Variants in OPHN1 observed in about 807,000 individuals in gnomAD.
OPHN1 encodes oligophrenin-1.
A neutral mutation model predicts 60.7 loss-of-function variants in OPHN1; 11 were observed. The ratio of observed to expected loss-of-function variants is 0.18; its 90% confidence interval spans 0.11 to 0.30. OPHN1 has a LOEUF of 0.30. Ranked by LOEUF, OPHN1 falls within the 10% of genes least tolerant of loss-of-function variation. The pLI, the probability that OPHN1 is intolerant of heterozygous loss-of-function variation, is 1.00. For synonymous variants in OPHN1, 226 were observed against 222.6 expected, an observed-to-expected ratio of 1.02 and a Z score of -0.14; for missense variants, 449 against 611.0, an observed-to-expected ratio of 0.73 and a Z score of 2.80.
At chrX:68,424,657 A>G (rs1366722932) in intron 2 of OPHN1, among the ~76,000 whole-genome samples, 1 of 112,099 alleles carries the variant, frequency 8.9e-6, no homozygotes, top group Non-Finnish European at 1.9e-5. Context: ...TGAAAGGTAA[A>G]GTTCCTTCAT....
At chrX:68,214,287 C>T (rs1419513071) in intron 6 of OPHN1, among the ~76,000 whole-genome samples, 2 of 112,135 alleles carry the variant, frequency 1.8e-5, no homozygotes, top group African/African-American at 6.5e-5. Context: ...GGAAAATCTG[C>T]TCCCTCAAAC....
At chrX:68,312,503 G>A (rs188972120) in intron 2 of OPHN1, among the ~76,000 whole-genome samples, 7 of 110,462 alleles carry the variant, frequency 6.3e-5, no homozygotes, top group Middle Eastern at 4.6e-3. Context: ...TTTTCAAGAC[G>A]TATGGCATGC....
chrX:68,148,810 G>C (rs1469741400), intron 15 of OPHN1, among the ~76,000 whole-genome samples: 1 of 110,904 alleles, frequency 9.0e-6, no homozygotes, highest in Non-Finnish European at 1.9e-5. Context: ...CAAGCATAAT[G>C]CCTTGGGCCC....
chrX:68,365,522 T>C (rs772142218), intron 2 of OPHN1, among the ~76,000 whole-genome samples: 6 of 111,476 alleles, frequency 5.4e-5, no homozygotes, highest in Non-Finnish European at 1.1e-4. Flanking sequence ...ACAGCTGTGC[T>C]CTCCTCCTCA....
intron 2 of OPHN1, among the ~76,000 whole-genome samples, chrX:68,392,999 C>T (rs765973173): frequency 8.9e-6 from 1 of 112,022 alleles, no homozygotes; most frequent in South Asian, 3.8e-4. Context: ...GGCCCTCTGC[C>T]CTTGCAGAAA....
intron 15 of OPHN1, among the ~76,000 whole-genome samples, chrX:68,125,930 A>AATAT (rs59058075): frequency 0.28 from 6,190 of 22,239 alleles, 909 homozygotes; most frequent in East Asian, 0.67. Context: ...ACCACTGATC[A>AATAT]ATATATATAT....
At chrX:68,049,873 T>C (rs145941565) in intron 23 of OPHN1, among the ~76,000 whole-genome samples, 127 of 112,054 alleles carry the variant, frequency 1.1e-3, no homozygotes, top group Admixed American at 2.4e-3. Context: ...CTCTTTGAAA[T>C]GTTCTCACCT....
At chrX:68,301,878 A>G (rs924033321) in intron 2 of OPHN1, among the ~76,000 whole-genome samples, 1 of 112,236 alleles carries the variant, frequency 8.9e-6, no homozygotes, top group African/African-American at 3.2e-5. Context: ...AGGCACTTTG[A>G]ACTTTAAGGG....
At chrX:68,134,632 G>C (rs1294189988) in intron 15 of OPHN1, among the ~76,000 whole-genome samples, 1 of 111,404 alleles carries the variant, frequency 9.0e-6, no homozygotes, top group Admixed American at 9.5e-5. Context: ...AAGGATCATG[G>C]TTTGCTTGGG....
At chrX:68,120,902 C>A (rs1224514477) in intron 15 of OPHN1, among the ~76,000 whole-genome samples, 2 of 111,958 alleles carry the variant, frequency 1.8e-5, no homozygotes, top group African/African-American at 6.5e-5. Context: ...GGAAAGGATA[C>A]TCTATTCAGT....
chrX:68,124,374 A>T (rs1199384780), intron 15 of OPHN1, among the ~76,000 whole-genome samples: 1 of 111,344 alleles, frequency 9.0e-6, no homozygotes, highest in Non-Finnish European at 1.9e-5. Flanking sequence ...TAAATATAAT[A>T]CACCCAATGC....
chrX:68,404,949 G>C (rs993782092), intron 2 of OPHN1, among the ~76,000 whole-genome samples: 1 of 111,552 alleles, frequency 9.0e-6, no homozygotes, highest in South Asian at 3.8e-4. Flanking sequence ...AGTGGGTATA[G>C]AGGTTCATTG....
intron 2 of OPHN1, among the ~76,000 whole-genome samples, chrX:68,379,098 T>C (rs1188493645): frequency 3.6e-5 from 4 of 111,151 alleles, no homozygotes; most frequent in Admixed American, 1.9e-4. Flanking sequence ...TTGTATCCTC[T>C]TTGATTTCAT....
chrX:68,114,631 G>A (rs2077119671), intron 16 of OPHN1, among the ~76,000 whole-genome samples: 1 of 110,211 alleles, frequency 9.1e-6, no homozygotes, highest in African/African-American at 3.3e-5. Flanking sequence ...TGGGCATGGT[G>A]GTGCGTGCCT....
chrX:68,116,147 T>C (rs2077126359), intron 16 of OPHN1, among the ~76,000 whole-genome samples: 1 of 111,307 alleles, frequency 9.0e-6, no homozygotes, highest in Non-Finnish European at 1.9e-5. Flanking sequence ...TACCAGACTT[T>C]AGAGAGAGTA....
intron 15 of OPHN1, among the ~76,000 whole-genome samples, chrX:68,131,901 T>C (rs981096112): frequency 2.7e-5 from 3 of 112,618 alleles, no homozygotes; most frequent in Non-Finnish European, 5.6e-5. Flanking sequence ...AATACTACGA[T>C]AAAGCTAGAA....
At chrX:68,112,634 A>C (rs1175232128) in intron 17 of OPHN1, among the ~76,000 whole-genome samples, 1 of 112,639 alleles carries the variant, frequency 8.9e-6, no homozygotes, top group Non-Finnish European at 1.9e-5. Flanking sequence ...CAGTGGCCTC[A>C]GCCAAAACTT....
At chrX:68,296,038 C>T (rs1485724514) in intron 3 of OPHN1, among the ~76,000 whole-genome samples, 1 of 111,270 alleles carries the variant, frequency 9.0e-6, no homozygotes, top group African/African-American at 3.3e-5. Context: ...GCTTCCAAAG[C>T]AACTGCTCTT....
In OPHN1 at chrX:68,416,963, CATT is replaced by C. The variant is rs781617697; in HGVS notation, c.154+15901_154+15903del. 2.7e-5 allele frequency among the ~76,000 whole-genome samples: 3 copies of C among 112,526 alleles called. No homozygotes were observed. In the South Asian group the frequency reaches 1.1e-3, roughly 42 times the overall value. On this transcript the variant is annotated intron_variant, in intron 2 of 24. Coordinates refer to ENST00000355520, the MANE Select transcript of OPHN1 (RefSeq NM_002547.3). ...ATAAAACGTTATTTATGAAAACAGA[CATT>C]ATTTACGAAAAGAGGAGGTGGACAG...
Sources: allele counts gnomAD v4.1 joint callset (sites outside exome capture counted in the v4.1 genomes callset), GRCh38; gene constraint gnomAD v4.1.1; transcripts MANE v1.5; gene names NCBI Gene and HGNC (gene_info 2026-07-23, HGNC 2026-07-21).